The following KCNMB2 variants were observed in gnomAD, a reference collection of about 807,000 sequenced individuals.
KCNMB2 encodes the protein calcium-activated potassium channel subunit beta-2.
In KCNMB2, 9 loss-of-function variants were observed where a neutral mutation model predicts 24.5. That is an observed-to-expected ratio of 0.37 (90% confidence interval 0.22 to 0.64). KCNMB2 has a LOEUF of 0.64. Ranked by LOEUF, KCNMB2 falls within the 30% of genes least tolerant of loss-of-function variation. The pLI is 0.63. For missense variants in KCNMB2, 226 were observed against 284.3 expected, an observed-to-expected ratio of 0.79 and a Z score of 1.47; for synonymous variants, 109 against 104.4, an observed-to-expected ratio of 1.04 and a Z score of -0.27.
chr3:178,541,265 A>C (rs1006318762), intron 1 of KCNMB2, among the ~76,000 whole-genome samples: 3 of 152,224 alleles, frequency 2.0e-5, no homozygotes, highest in African/African-American at 7.2e-5. Flanking sequence ...CCAAACGATG[A>C]CTTCTATTTC....
chr3:178,781,094 A>T (rs1302824448), intron 1 of KCNMB2, among the ~76,000 whole-genome samples: 1 of 152,084 alleles, frequency 6.6e-6, no homozygotes, highest in African/African-American at 2.4e-5. Flanking sequence ...TACATGATGA[A>T]ATTGTAATAT....
chr3:178,710,835 C>G (rs889403087), intron 1 of KCNMB2, among the ~76,000 whole-genome samples: 1 of 152,132 alleles, frequency 6.6e-6, no homozygotes, highest in Non-Finnish European at 1.5e-5. Flanking sequence ...ACTTCAGCCT[C>G]GTGATCTGAG....
chr3:178,753,352 G>A (rs1723913559), intron 1 of KCNMB2, among the ~76,000 whole-genome samples: 1 of 152,156 alleles, frequency 6.6e-6, no homozygotes, highest in African/African-American at 2.4e-5. Context: ...TTGAGTTCTG[G>A]CTCTGCCAAA....
intron 1 of KCNMB2, among the ~76,000 whole-genome samples, chr3:178,672,391 C>T (rs559004073): frequency 6.6e-6 from 1 of 152,280 alleles, no homozygotes; most frequent in African/African-American, 2.4e-5. Context: ...CTAGGTCTTT[C>T]AGACTTCAGA....
chr3:178,602,755 T>G (rs1718131308), intron 1 of KCNMB2, among the ~76,000 whole-genome samples: 1 of 151,962 alleles, frequency 6.6e-6, no homozygotes, highest in Non-Finnish European at 1.5e-5. Context: ...GTTGGTGAGG[T>G]TCTCATATTT....
At chr3:178,560,585 A>G (rs1208696412) in intron 1 of KCNMB2, among the ~76,000 whole-genome samples, 6 of 152,254 alleles carry the variant, frequency 3.9e-5, no homozygotes, top group Admixed American at 2.6e-4. Flanking sequence ...CAGCCAATCA[A>G]TGAAATCTAT....
chr3:178,823,524 G>T (rs566872912), intron 2 of KCNMB2, among the ~76,000 whole-genome samples: 17 of 152,212 alleles, frequency 1.1e-4, no homozygotes, highest in South Asian at 6.2e-4. Flanking sequence ...ATAATAATAA[G>T]AAGAAGCTAA....
At chr3:178,769,412 G>A (rs1190873480) in intron 1 of KCNMB2, among the ~76,000 whole-genome samples, 1 of 152,168 alleles carries the variant, frequency 6.6e-6, no homozygotes, top group Non-Finnish European at 1.5e-5. Flanking sequence ...TAAGAGGGGG[G>A]TGTGATCCAG....
rs569292587 is a variant in KCNMB2 at position 178,617,287 on chromosome 3, G to C, written c.-68+80576G>C. Among the ~76,000 whole-genome samples, 19 of 152,192 alleles carry C rather than the reference G, an allele frequency of 1.2e-4. No homozygotes were observed. In the East Asian group the frequency reaches 3.7e-3, roughly 29 times the overall value. ...GTTTTTAAAAACACAGTCCAGGCGTGGTGGCTCACGCCTGTAATCCCAGCA... is the reference window on the plus strand; with the variant it reads ...GTTTTTAAAAACACAGTCCAGGCGTCGTGGCTCACGCCTGTAATCCCAGCA... On this transcript the variant is annotated intron_variant, in intron 1 of 4. Transcript: ENST00000452583.
chr3:178,642,972 T>C (rs926961068), intron 1 of KCNMB2, among the ~76,000 whole-genome samples: 2 of 152,200 alleles, frequency 1.3e-5, no homozygotes, highest in Admixed American at 6.5e-5. Flanking sequence ...AGCAAGTTGT[T>C]TGTAGAGTCA....
At chr3:178,741,021 A>C (rs762119130) in intron 1 of KCNMB2, among the ~76,000 whole-genome samples, 35 of 152,220 alleles carry the variant, frequency 2.3e-4, no homozygotes, top group Non-Finnish European at 4.6e-4. Flanking sequence ...AAACGCATGA[A>C]AGCCCAAAAG....
chr3:178,618,950 A>AAT lies in KCNMB2; in HGVS notation c.-68+82240_-68+82241dup, dbSNP rs773097277. Among the ~76,000 whole-genome samples, 86 of 152,242 alleles carry AAT rather than the reference A, an allele frequency of 5.6e-4. 3 individuals carry two copies. Among genetic ancestry groups the AAT allele is most frequent in the Non-Finnish European group, 2.1e-4 (14 of 68,042 alleles). ...AAAAAAATTGGGACTAGGGAATACA[A>AAT]ATCACCTGTCCAGGAACACACAGCC... is the stretch of plus-strand genomic sequence containing the variant. On this transcript the variant is annotated intron_variant, in intron 1 of 4. Transcript: ENST00000452583.
chr3:178,573,746 CAAAAAAAAAAAAAA>C (rs11348394), intron 1 of KCNMB2, among the ~76,000 whole-genome samples: 1 of 78,986 alleles, frequency 1.3e-5, no homozygotes, highest in South Asian at 4.6e-4. Context: ...GACCCTGTCT[CAAAAAAAAAAAAAA>C]AAAAAAAAAG....
chr3:178,746,705 C>T (rs763153490), intron 1 of KCNMB2, among the ~76,000 whole-genome samples: 23 of 152,136 alleles, frequency 1.5e-4, no homozygotes, highest in Admixed American at 7.9e-4. Context: ...AAACTTCTTC[C>T]ACCAGATAAC....
chr3:178,822,476 G>A (rs1714671011), intron 2 of KCNMB2, among the ~76,000 whole-genome samples: 1 of 152,128 alleles, frequency 6.6e-6, no homozygotes, highest in African/African-American at 2.4e-5. Flanking sequence ...TTTTCCTTTG[G>A]GGCAGGGGCC....
intron 1 of KCNMB2, among the ~76,000 whole-genome samples, chr3:178,686,217 G>T (rs1721465806): frequency 6.6e-6 from 1 of 152,164 alleles, no homozygotes; most frequent in African/African-American, 2.4e-5. Flanking sequence ...ATTAACAAGA[G>T]AAAAGCATAC....
At chr3:178,684,994 A>G (rs1721413268) in intron 1 of KCNMB2, among the ~76,000 whole-genome samples, 1 of 152,224 alleles carries the variant, frequency 6.6e-6, no homozygotes, top group African/African-American at 2.4e-5. Flanking sequence ...AAAGAAATGC[A>G]TACATCTTTT....
chr3:178,704,821 T>C (rs766346180), intron 1 of KCNMB2, among the ~76,000 whole-genome samples: 1 of 152,080 alleles, frequency 6.6e-6, no homozygotes, highest in Admixed American at 6.6e-5. Flanking sequence ...ATTCACAGGG[T>C]CGTTTCATTA....
intron 2 of KCNMB2, among the ~76,000 whole-genome samples, chr3:178,812,955 G>C (rs563179843): frequency 3.3e-5 from 5 of 152,198 alleles, no homozygotes; most frequent in African/African-American, 9.6e-5. Flanking sequence ...TTCCAAGTAA[G>C]TTTTAAAATC....
Sources: gnomAD v4.1 joint callset for allele counts (sites outside exome capture counted in the v4.1 genomes callset) on GRCh38, gnomAD v4.1.1 for gene constraint, MANE v1.5 for transcripts, NCBI Gene and HGNC (gene_info 2026-07-23, HGNC 2026-07-21) for gene names.